The following MCU variants were observed in gnomAD, a reference collection of about 807,000 sequenced individuals.
MCU encodes mitochondrial calcium uniporter, also known as calcium uniporter protein, mitochondrial.
MCU carries 12 observed loss-of-function variants against 45.2 expected under a neutral mutation model. The ratio of observed to expected loss-of-function variants is 0.27; its 90% CI spans 0.17 to 0.43. The LOEUF is 0.43. Ranked by LOEUF, MCU falls within the 20% of genes least tolerant of loss-of-function variation. The probability of loss-of-function intolerance (pLI) is 1.00; values close to 1 mark genes in which losing one functional copy is unlikely to be tolerated. For missense variants in MCU, 324 were observed against 436.7 expected (o/e 0.74, Z 2.30); for synonymous variants, 160 against 165.1 (o/e 0.97, Z 0.24).
intron 2 of MCU, among the ~76,000 whole-genome samples, chr10:72,842,333 A>G (rs1334615294): frequency 6.6e-6 from 1 of 152,216 alleles, no homozygotes; most frequent in Admixed American, 6.5e-5. Flanking sequence ...ACTTGGATTT[A>G]TAATCTTTTC....
intron 6 of MCU, among the ~76,000 whole-genome samples, chr10:72,872,824 C>T (rs1052472692): frequency 2.0e-5 from 3 of 151,868 alleles, no homozygotes; most frequent in Non-Finnish European, 4.4e-5. Context: ...TTCTATTTTT[C>T]GTTTTTTTGA....
At chr10:72,698,766 A>G (rs1033789949) in intron 1 of MCU, among the ~76,000 whole-genome samples, 1 of 152,044 alleles carries the variant, frequency 6.6e-6, no homozygotes, top group Non-Finnish European at 1.5e-5. Flanking sequence ...CAGCCTCCCA[A>G]AGTGCTGGTA....
intron 1 of MCU, among the ~76,000 whole-genome samples, chr10:72,733,432 G>A (rs1372474194): frequency 6.6e-6 from 1 of 152,148 alleles, no homozygotes; most frequent in Non-Finnish European, 1.5e-5. Flanking sequence ...CCTTCAGCCT[G>A]GGCGACAGGG....
chr10:72,849,053 G>T (rs1161309168), intron 2 of MCU, among the ~76,000 whole-genome samples: 3 of 151,980 alleles, frequency 2.0e-5, no homozygotes, highest in African/African-American at 7.3e-5. Context: ...GGCCGAGACG[G>T]GTGGATCACG....
At chr10:72,800,407 A>T (rs1169446801) in intron 1 of MCU, among the ~76,000 whole-genome samples, 2 of 152,220 alleles carry the variant, frequency 1.3e-5, no homozygotes, top group Non-Finnish European at 2.9e-5. Context: ...GTATCTCAAT[A>T]TGTGTGAGAG....
chr10:72,790,401 G>A (rs1039297407), intron 1 of MCU, among the ~76,000 whole-genome samples: 1 of 152,060 alleles, frequency 6.6e-6, no homozygotes, highest in African/African-American at 2.4e-5. Context: ...CTACATGAAT[G>A]TTGTATGTAT....
chr10:72,693,521 C>T (rs1314765895), intron 1 of MCU, among the ~76,000 whole-genome samples: 1 of 152,072 alleles, frequency 6.6e-6, no homozygotes, highest in Non-Finnish European at 1.5e-5. Flanking sequence ...TGGAGCTCTT[C>T]GGAGAGGATA....
In MCU at chr10:72,871,380, C is replaced by G; in HGVS notation, c.661C>G (p.Arg221Gly). ...TATGATTATGTGTGCCCAATAGGTA[C>G]GAATTGAGATTAGCAGAAAAGCTGA... ...KEQLAPLEKV[R>G]IEISRKAEKR... The change falls in exon 6 of 8, where the codon CGA (arginine) becomes GGA (glycine). Residue 221 changes from arginine to glycine, a missense_variant. Physicochemically the swap from Arg to Gly is moderately radical, Grantham distance 125. This residue lies in a region of MCU where 135 missense variants were observed against 207.3 expected (regional missense o/e 0.65). Transcript: ENST00000373053. 6.2e-7 allele frequency: 1 copy of G among 1,613,826 alleles called. No homozygotes were observed. The highest frequency in any genetic ancestry group is 8.5e-7 in the Non-Finnish European group (1 of 1,179,814).
Position 72,713,126 on chromosome 10 carries a change from C to G in MCU, c.150+20825C>G, listed in dbSNP as rs77682457. On this transcript the variant is annotated intron_variant, in intron 1 of 7. Transcript: ENST00000373053. ...GATCTGTACAATTTGAAGATTGTTA[C>G]AAATGGTGACCAATTTTAAGCATAT... Among the ~76,000 whole-genome samples the G allele has an allele frequency of 3.7e-4, 56 of 152,300 alleles. No homozygotes were observed. The East Asian group carries it at 8.5e-3, about 23-fold the overall frequency.
intron 1 of MCU, among the ~76,000 whole-genome samples, chr10:72,814,279 C>G (rs1273664409): frequency 1.3e-5 from 2 of 152,276 alleles, no homozygotes; most frequent in African/African-American, 2.4e-5. Context: ...CCAAGTGGTA[C>G]AACTGATTTG....
chr10:72,779,391 T>C (rs1031471909), intron 1 of MCU, among the ~76,000 whole-genome samples: 2 of 152,196 alleles, frequency 1.3e-5, no homozygotes, highest in Non-Finnish European at 2.9e-5. Context: ...AATGATCTTT[T>C]AGGTATAACA....
chr10:72,692,368 G>A, intron 1 of MCU, 67 bp downstream of exon 1: 2 of 1,136,208 alleles, frequency 1.8e-6, no homozygotes, highest in Non-Finnish European at 2.2e-6. Context: ...GCCGCCGGCG[G>A]GCAGGCCGCC....
At chr10:72,788,947 C>T (rs1844117397) in intron 1 of MCU, among the ~76,000 whole-genome samples, 1 of 152,156 alleles carries the variant, frequency 6.6e-6, no homozygotes, top group Non-Finnish European at 1.5e-5. Context: ...CCTTTGACAA[C>T]AGTCTAGAAT....
intron 1 of MCU, among the ~76,000 whole-genome samples, chr10:72,832,246 T>C (rs900528435): frequency 6.6e-6 from 1 of 152,140 alleles, no homozygotes; most frequent in African/African-American, 2.4e-5. Flanking sequence ...TAGTAAAGTA[T>C]TTTTACTTTA....
chr10:72,803,034 C>T (rs928091743), intron 1 of MCU, among the ~76,000 whole-genome samples: 11 of 152,136 alleles, frequency 7.2e-5, no homozygotes, highest in Non-Finnish European at 1.5e-4. Flanking sequence ...TAGACTAATA[C>T]TCCTTTTCTC....
intron 1 of MCU, among the ~76,000 whole-genome samples, chr10:72,721,357 A>G: frequency 6.6e-6 from 1 of 152,122 alleles, no homozygotes; most frequent in Non-Finnish European, 1.5e-5. Context: ...TACTGGTATA[A>G]TTACTCCCAC....
chr10:72,702,748 G>A (rs1842773598), intron 1 of MCU, among the ~76,000 whole-genome samples: 1 of 152,226 alleles, frequency 6.6e-6, no homozygotes, highest in African/African-American at 2.4e-5. Context: ...AGGCTGAGGC[G>A]AGTGGATCAC....
intron 1 of MCU, among the ~76,000 whole-genome samples, chr10:72,782,807 G>A (rs984952459): frequency 6.6e-6 from 1 of 152,064 alleles, no homozygotes; most frequent in Non-Finnish European, 1.5e-5. Context: ...TGTATTATTC[G>A]TATCTTGTCC....
intron 2 of MCU, among the ~76,000 whole-genome samples, chr10:72,841,577 C>A (rs1301043936): frequency 6.6e-6 from 1 of 152,170 alleles, no homozygotes; most frequent in African/African-American, 2.4e-5. Context: ...GGATTACAGG[C>A]GTGAACCACC....
Sources: gnomAD v4.1 joint callset for allele counts (sites outside exome capture counted in the v4.1 genomes callset) on GRCh38, gnomAD v4.1.1 for gene constraint, gnomAD v4.1.1 regional missense constraint, MANE v1.5 for transcripts, NCBI Gene and HGNC (gene_info 2026-07-23, HGNC 2026-07-21) for gene names.